Variants in MLLT10 observed in about 807,000 individuals in gnomAD.
MLLT10 encodes MLLT10 histone lysine methyltransferase DOT1L cofactor.
In MLLT10, 30 loss-of-function variants were observed where a neutral mutation model predicts 129.1. The observed-to-expected ratio is 0.23, with a 90% CI of 0.17 to 0.32. MLLT10 has a LOEUF of 0.32. Ranked by LOEUF, MLLT10 falls within the 10% of genes least tolerant of loss-of-function variation. The pLI is 1.00. For synonymous variants in MLLT10, 490 were observed against 446.4 expected, an observed-to-expected ratio of 1.10 and a Z score of -1.23; for missense variants, 1,119 against 1,268.3, an observed-to-expected ratio of 0.88 and a Z score of 1.79.
chr10:21,551,980 C>G (rs541949324), intron 3 of MLLT10: 1 of 253,816 alleles, frequency 3.9e-6, no homozygotes, highest in South Asian at 3.5e-5. Flanking sequence ...TTTTTAGAGA[C>G]GGAGTTTCAC....
chr10:21,738,980 G>A (rs1351877139), intron 21 of MLLT10, among the ~76,000 whole-genome samples: 2 of 152,088 alleles, frequency 1.3e-5, no homozygotes, highest in African/African-American at 4.8e-5. Flanking sequence ...TAGCTCCGCT[G>A]GCATATCTTA....
chr10:21,671,644 G>A (rs1044099988), intron 10 of MLLT10, among the ~76,000 whole-genome samples: 3 of 152,174 alleles, frequency 2.0e-5, no homozygotes, highest in Non-Finnish European at 4.4e-5. Context: ...AATTAGCCAG[G>A]CATGGTGGCA....
intron 15 of MLLT10, 36 bp from the exon 16 acceptor site, chr10:21,727,820 A>G: frequency 6.5e-7 from 1 of 1,539,024 alleles, no homozygotes; most frequent in Non-Finnish European, 9.0e-7. Context: ...ATCTAGTGAG[A>G]GTCACTTTAT....
chr10:21,690,479 CAAAAGCGTTTTCT>C (rs1430841462), intron 13 of MLLT10, among the ~76,000 whole-genome samples: 1 of 152,062 alleles, frequency 6.6e-6, no homozygotes, highest in East Asian at 1.9e-4. Context: ...AATGTGTTTA[CAAAAGCGTTTTCT>C]TTTTAGTGTA....
Position 21,742,388 on chromosome 10 carries a change from T to A in MLLT10, c.*405T>A, listed in dbSNP as rs962037479. 1 of 232,192 alleles carries A rather than the reference T, an allele frequency of 4.3e-6. No homozygotes were observed. The highest frequency in any genetic ancestry group is 8.5e-6 in the Non-Finnish European group (1 of 118,118). The allele number at this position is 232,192 out of a possible 1,614,324, so 14.4% of individuals were successfully genotyped here. ...AAACTACTTGATTTTATTGTACAAG[T>A]TGAAATATGCTCTTTTGTTTGGGTT... On this transcript the variant is annotated 3_prime_UTR_variant, in exon 23 of 23. Coordinates refer to ENST00000307729, the MANE Select transcript of MLLT10 (RefSeq NM_001195626.3).
chr10:21,556,057 C>T (rs563415694), intron 3 of MLLT10, among the ~76,000 whole-genome samples: 31 of 151,578 alleles, frequency 2.0e-4, no homozygotes, highest in Non-Finnish European at 4.4e-4. Flanking sequence ...CTCACTGCAA[C>T]CTTCGCCTCC....
chr10:21,617,217 T>C lies in MLLT10; in HGVS notation c.699+10T>C, dbSNP rs1275978094. 1.4e-6 allele frequency: 2 copies of C among 1,464,244 alleles called. No homozygotes were observed. The highest frequency in any genetic ancestry group is 9.1e-7 in the Non-Finnish European group (1 of 1,092,938). The allele number at this position is 1,464,244 out of a possible 1,614,324, so 90.7% of individuals were successfully genotyped here. A position where few individuals can be genotyped will look rare whatever the true frequency, so the allele number is the denominator to read the frequency against. On this transcript the variant is annotated intron_variant, in intron 8 of 22. Transcript: ENST00000307729. The stretch of plus-strand genomic sequence containing the variant: ...TGAGAAAGAGAAAAAAGTAAGTGGA[T>C]TTGTTGTTGCTAAATTTGTAGCACA...
intron 5 of MLLT10, among the ~76,000 whole-genome samples, chr10:21,610,836 T>TTC (rs2044539678): frequency 6.6e-6 from 1 of 151,922 alleles, no homozygotes; most frequent in Non-Finnish European, 1.5e-5. Flanking sequence ...GCATGCTAAA[T>TTC]TCTTCCATTG....
intron 3 of MLLT10, among the ~76,000 whole-genome samples, chr10:21,585,557 C>T (rs919081556): frequency 2.6e-5 from 4 of 152,194 alleles, no homozygotes. Flanking sequence ...GAGTTAGGCT[C>T]TTTAAGAGAA....
rs56831233 is a variant in MLLT10, at chr10:21,683,283, A to G, written c.1699+1026A>G. On this transcript the variant is annotated intron_variant, in intron 13 of 22. Coordinates refer to ENST00000307729, the MANE Select transcript of MLLT10 (RefSeq NM_001195626.3). ...ATTGATTCATAATTCTTGTCTCCCTATGCAACCTGTGCCTGCGGAAGCTTA... is the reference window on the plus strand; with the variant it reads ...ATTGATTCATAATTCTTGTCTCCCTGTGCAACCTGTGCCTGCGGAAGCTTA... Among the ~76,000 whole-genome samples the G allele has an allele frequency of 9.0e-3, 1,373 of 152,264 alleles. 14 individuals are homozygous for G. Among genetic ancestry groups the G allele is most frequent in the African/African-American group, 0.031 (1,294 of 41,538 alleles).
intron 8 of MLLT10, among the ~76,000 whole-genome samples, chr10:21,640,808 C>G (rs758244094): frequency 6.6e-6 from 1 of 152,142 alleles, no homozygotes; most frequent in Non-Finnish European, 1.5e-5. Flanking sequence ...ATGAATAATT[C>G]TCAAATTATG....
At chr10:21,703,553 C>CT (rs1038009774) in intron 13 of MLLT10, among the ~76,000 whole-genome samples, 17 of 150,228 alleles carry the variant, frequency 1.1e-4, no homozygotes, top group South Asian at 4.2e-4. Context: ...CTGGGAAGTT[C>CT]TTTTTTTTTG....
At chr10:21,562,251 T>A (rs1330035106) in intron 3 of MLLT10, among the ~76,000 whole-genome samples, 1 of 152,144 alleles carries the variant, frequency 6.6e-6, no homozygotes, top group Non-Finnish European at 1.5e-5. Flanking sequence ...ATTTTTTTTT[T>A]ATTTCTGCCA....
chr10:21,723,805 T>C (rs532489624), intron 14 of MLLT10, among the ~76,000 whole-genome samples: 1 of 152,360 alleles, frequency 6.6e-6, no homozygotes, highest in East Asian at 1.9e-4. Flanking sequence ...TTTTTTAGAA[T>C]TGTATCTACA....
chr10:21,589,277 T>C (rs116199659), intron 4 of MLLT10, among the ~76,000 whole-genome samples: 7,213 of 152,052 alleles, frequency 0.047, 575 homozygotes, highest in African/African-American at 0.16. Context: ...TCTTTCATGA[T>C]GTCTGTATTT....
At chr10:21,738,140 T>C (rs2058531578) in intron 21 of MLLT10, among the ~76,000 whole-genome samples, 1 of 151,810 alleles carries the variant, frequency 6.6e-6, no homozygotes, top group Admixed American at 6.6e-5. Context: ...TGGTGGCGCG[T>C]GTGTATAATC....
chr10:21,736,283 G>GTA (rs1004286245), intron 21 of MLLT10, among the ~76,000 whole-genome samples: 6 of 152,072 alleles, frequency 3.9e-5, no homozygotes, highest in East Asian at 1.9e-4. Context: ...TGGAATTGTG[G>GTA]TATATATATG....
At chr10:21,567,895 C>T (rs1373157390) in intron 3 of MLLT10, among the ~76,000 whole-genome samples, 1 of 151,492 alleles carries the variant, frequency 6.6e-6, no homozygotes, top group African/African-American at 2.4e-5. Context: ...TCTCTGCTCA[C>T]TGCAACCTCC....
chr10:21,546,529 C>G (rs142206435), intron 3 of MLLT10, among the ~76,000 whole-genome samples: 3 of 151,246 alleles, frequency 2.0e-5, no homozygotes, highest in Non-Finnish European at 2.9e-5. Flanking sequence ...CTCAGCCTCC[C>G]GAGTAGCTGA....
Sources: allele counts gnomAD v4.1 joint callset (sites outside exome capture counted in the v4.1 genomes callset), GRCh38; gene constraint gnomAD v4.1.1; transcripts MANE v1.5; gene names NCBI Gene and HGNC (gene_info 2026-07-23, HGNC 2026-07-21).